Variants in CDC42BPG observed in about 807,000 individuals in gnomAD.
CDC42BPG encodes CDC42 binding protein kinase gamma.
A neutral mutation model predicts 192.2 loss-of-function variants in CDC42BPG; 157 were observed. The observed-to-expected ratio is 0.82, with a 90% confidence interval of 0.72 to 0.93. The LOEUF is 0.93. CDC42BPG is among the 40% of genes least tolerant of loss of function. The pLI, the probability that CDC42BPG is intolerant of heterozygous loss-of-function variation, is 0.00. For missense variants in CDC42BPG, 1,992 were observed against 2,122.1 expected (o/e 0.94, Z 1.20); for synonymous variants, 981 against 918.5 (o/e 1.07, Z -1.23).
rs531428384 is a variant in CDC42BPG, at chr11:64,824,353, C to T, written c.*120G>A. 3.9e-5 allele frequency: 32 copies of T among 810,216 alleles called. 1 individual carries two copies. Among genetic ancestry groups the T allele is most frequent in the African/African-American group, 1.2e-4 (7 of 59,736 alleles). 50.2% of individuals were successfully genotyped at this position (810,216 alleles called of 1,614,324 possible). ...CAAGTCTCCCAGTCATTGCCCAGCC[C>T]GGGTCCTCCCTGAGTCCGAATTTCC... On this transcript the variant is annotated 3_prime_UTR_variant, in exon 37 of 37. Transcript: ENST00000342711.
Position 64,827,397 on chromosome 11 carries a change from C to T in CDC42BPG, c.4152G>A (p.Glu1384=). Residue 1384 remains glutamate, a splice_region_variant and synonymous_variant, in exon 33 of 37, where the codon GAG becomes GAA. Coordinates refer to ENST00000342711, the MANE Select transcript of CDC42BPG (RefSeq NM_017525.3). ...GGTCCGGGATGTCGAACTCGTCCTT[C>T]TCTGTGGGAGAAGTGGAGAGCTGGG... is the stretch of plus-strand genomic sequence containing the variant. The part of the protein sequence containing the change: ...RLTYLRNQLA[E]KDEFDIPDLT... 6.2e-7 allele frequency: 1 copy of T among 1,613,212 alleles called. No homozygotes were observed. The highest frequency in any genetic ancestry group is 8.5e-7 in the Non-Finnish European group (1 of 1,179,170).
At position 64,841,745 on chromosome 11, in the gene CDC42BPG, G is replaced by A. The variant is rs765560534; in HGVS notation, c.253-12C>T. On this transcript the variant is annotated splice_polypyrimidine_tract_variant and intron_variant, in intron 2 of 36. Transcript: ENST00000342711. Reference sequence around the variant, plus strand: ...CTCACCACGGTGACCTAAGGCCACAGGGAGGACCGGGGTGAGCCCAGCCCG... The same window carrying A: ...CTCACCACGGTGACCTAAGGCCACAAGGAGGACCGGGGTGAGCCCAGCCCG... 16 of 1,613,790 alleles carry A rather than the reference G, an allele frequency of 9.9e-6. No homozygotes were observed. Among genetic ancestry groups the A allele is most frequent in the Admixed American group, 5.0e-5 (3 of 60,004 alleles).
Position 64,829,471 on chromosome 11 carries a change from C to G in CDC42BPG, c.3967G>C (p.Gly1323Arg). ...CTGCCAAGCCCTCAGCAGGCCTTAC[C>G]CCAGCCCATGGGCGCTGCTGGCCAC... ...LLWPAAPMGWGYAAPYLTVFS... is the reference protein window; with the variant it reads ...LLWPAAPMGWRYAAPYLTVFS... Residue 1323 changes from glycine to arginine, a missense_variant and splice_region_variant, in exon 30 of 37, where the codon GGG becomes CGG. By Grantham distance (125) the Gly-to-Arg change is moderately radical (BLOSUM62 -2). Coordinates refer to ENST00000342711, the MANE Select transcript of CDC42BPG (RefSeq NM_017525.3). 2.5e-6 allele frequency: 4 copies of G among 1,612,510 alleles called. No individual in the cohort carries two copies. Among genetic ancestry groups the G allele is most frequent in the Non-Finnish European group, 3.4e-6 (4 of 1,179,792 alleles).
Position 64,836,529 on chromosome 11 carries a change from C to T in CDC42BPG, c.1386G>A (p.Glu462=), listed in dbSNP as rs1241659676. ...EVQTLRDRLP[E]MLRDKASLSQ... The stretch of plus-strand genomic sequence containing the variant: ...ACAATGAGGCCTTGTCCCTCAGCAT[C>T]TCTGCCAGGAAGAGTCACTGAGACC... Residue 462 remains glutamate, a splice_region_variant and synonymous_variant, in exon 12 of 37, where the codon GAG becomes GAA. Transcript: ENST00000342711. 1.2e-6 allele frequency: 2 copies of T among 1,612,934 alleles called. No individual in the cohort carries two copies. Among genetic ancestry groups the T allele is most frequent in the Admixed American group, 1.7e-5 (1 of 59,990 alleles).
rs1051811949 is a variant in CDC42BPG, at chr11:64,826,015, C to T, written c.4599+455G>A. Among the ~76,000 whole-genome samples the T allele has an allele frequency of 6.3e-5, 9 of 142,850 alleles. No individual in the cohort carries two copies. The Middle Eastern group carries it at 0.016, about 254-fold the overall frequency. The allele number at this position is 142,850 out of a possible 152,430, so 93.7% of individuals were successfully genotyped here. On this transcript the variant is annotated intron_variant, in intron 36 of 36. Transcript: ENST00000342711. The stretch of plus-strand genomic sequence containing the variant: ...TGTGGGAGGTGGGGGTTGCACTGAC[C>T]GAGATTGTGCCACTGCACTCCAGTC...
rs368757188 is a variant in CDC42BPG at position 64,833,790 on chromosome 11, T to C, written c.2513A>G (p.His838Arg). 5.7e-5 allele frequency: 92 copies of C among 1,614,222 alleles called. No individual in the cohort carries two copies. The African/African-American group carries it at 1.1e-3, about 19-fold the overall frequency. The change falls in exon 22 of 37, where the codon CAT becomes CGT. Residue 838 changes from histidine (H) to arginine (R), a missense_variant. Physicochemically the swap from His to Arg is conservative, Grantham distance 29 (BLOSUM62 0). Coordinates refer to ENST00000342711, the MANE Select transcript of CDC42BPG (RefSeq NM_017525.3). The part of the protein sequence containing the change: ...DPGISGEATR[H>R]GGEPDLRPEG... ...CGGCCTCAGATCTGGCTCTCCTCCA[T>C]GCCTTGTGGCCTCTCCTGAGATGCC...
chr11:64,832,541 C>A, intron 26 of CDC42BPG, 32 bp from the exon 27 acceptor site: 1 of 1,613,898 alleles, frequency 6.2e-7, no homozygotes, highest in Non-Finnish European at 8.5e-7. Context: ...TCAGAAATCT[C>A]CCTGTCCCTG....
rs760450172 is a variant in CDC42BPG at position 64,836,723 on chromosome 11, T to C, written c.1384+16A>G. 1.3e-5 allele frequency: 5 copies of C among 379,706 alleles called. No homozygotes were observed. Among genetic ancestry groups the C allele is most frequent in the South Asian group, 2.7e-5 (1 of 36,966 alleles). 23.5% of individuals were successfully genotyped at this position (379,706 alleles called of 1,614,324 possible). ...CTCAGCCCTGGGGGGGGGGGGGGGG[T>C]GGGCGGAAGGGATACCTGGCAGCCT... On this transcript the variant is annotated intron_variant, in intron 11 of 36. Transcript: ENST00000342711.
At chr11:64,832,358 G>T (rs916321164) in intron 27 of CDC42BPG, 70 bp downstream of exon 27, 10 of 1,480,886 alleles carry the variant, frequency 6.8e-6, no homozygotes, top group African/African-American at 1.4e-5. Flanking sequence ...GAAGTGGGGG[G>T]ACAGTGGCCA....
Position 64,827,735 on chromosome 11 carries a change from A to G in CDC42BPG, c.4016T>C (p.Val1339Ala). The change falls in exon 31 of 37, where the codon GTG becomes GCG. Residue 1339 changes from valine to alanine, a missense_variant. By Grantham distance (64) the Val-to-Ala change is moderately conservative. Transcript: ENST00000342711. ...LTVFSENSID[V>A]FDVRRAEWVQ... Reference sequence around the variant, plus strand: ...CCATTCTGCCCTCCTCACGTCAAACACATCGATGGAGTTCTCGCTGAACAC... The same window carrying G: ...CCATTCTGCCCTCCTCACGTCAAACGCATCGATGGAGTTCTCGCTGAACAC... 6.2e-7 allele frequency: 1 copy of G among 1,613,122 alleles called. No individual in the cohort carries two copies. The highest frequency in any genetic ancestry group is 1.1e-5 in the South Asian group (1 of 90,930).
chr11:64,830,750 T>G (rs1443816872), intron 28 of CDC42BPG, among the ~76,000 whole-genome samples: 4 of 152,170 alleles, frequency 2.6e-5, no homozygotes, highest in Non-Finnish European at 5.9e-5. Flanking sequence ...TTTCCCAGCC[T>G]TAGTTACAGA....
rs750601197 is a variant in CDC42BPG at position 64,839,113 on chromosome 11, C to T, written c.796G>A (p.Ala266Thr). The change falls in exon 7 of 37, where the codon GCC becomes ACC. Residue 266 changes from alanine to threonine, a missense_variant. Ala to Thr is a moderately conservative substitution (Grantham distance 58, BLOSUM62 0). This residue lies in a region of CDC42BPG where 1,656 missense variants were observed against 1,844.3 expected (regional missense o/e 0.90). Coordinates refer to ENST00000342711, the MANE Select transcript of CDC42BPG (RefSeq NM_017525.3). Reference sequence around the variant, plus strand: ...GTCTCCCCAAAGAGCAGCTCATAGGCGCAGACTCCAAGCGACCACCAGTCA... The same window carrying T: ...GTCTCCCCAAAGAGCAGCTCATAGGTGCAGACTCCAAGCGACCACCAGTCA... Reference protein sequence around the residue: ...QCDWWSLGVCAYELLFGETPF... With the variant: ...QCDWWSLGVCTYELLFGETPF... 73 of 1,613,396 alleles carry T rather than the reference C, an allele frequency of 4.5e-5. No individual in the cohort carries two copies. The highest frequency in any genetic ancestry group is 6.0e-5 in the Non-Finnish European group (71 of 1,180,028).
chr11:64,841,376 T>C (rs571559403), intron 3 of CDC42BPG, among the ~76,000 whole-genome samples: 1 of 147,188 alleles, frequency 6.8e-6, no homozygotes, highest in East Asian at 2.0e-4. Flanking sequence ...TTACTTGAAC[T>C]GGGAGGCGGA....
intron 7 of CDC42BPG, 52 bp downstream of exon 7, chr11:64,838,981 G>T: frequency 6.2e-7 from 1 of 1,611,748 alleles, no homozygotes. Context: ...CAACCACACA[G>T]ACTCAGGGGT....
chr11:64,844,344 C>A, intron 1 of CDC42BPG, 66 bp downstream of exon 1: 3 of 1,287,052 alleles, frequency 2.3e-6, no homozygotes, highest in Non-Finnish European at 2.0e-6. Context: ...GGAAAGTCTG[C>A]GGGTGCGGGG....
intron 20 of CDC42BPG, 28 bp downstream of exon 20, chr11:64,834,238 C>T: frequency 6.5e-7 from 1 of 1,543,430 alleles, no homozygotes; most frequent in Admixed American, 1.9e-5. Context: ...GAGCCTGGCT[C>T]CGGGGCAAGC....
intron 6 of CDC42BPG, 39 bp from the exon 7 acceptor site, chr11:64,839,272 G>A: frequency 6.2e-7 from 1 of 1,610,206 alleles, no homozygotes; most frequent in Non-Finnish European, 8.5e-7. Flanking sequence ...GACAGCTTTG[G>A]GCTTGGCTGG....
rs760450172 is a variant in CDC42BPG at position 64,836,723 on chromosome 11, T to A, written c.1384+16A>T. ...CTCAGCCCTGGGGGGGGGGGGGGGG[T>A]GGGCGGAAGGGATACCTGGCAGCCT... On this transcript the variant is annotated intron_variant, in intron 11 of 36. Transcript: ENST00000342711. 22 of 379,680 alleles carry A rather than the reference T, an allele frequency of 5.8e-5. No homozygotes were observed. Among genetic ancestry groups the A allele is most frequent in the South Asian group, 1.9e-4 (7 of 36,962 alleles). The allele number at this position is 379,680 out of a possible 1,614,324, so 23.5% of individuals were successfully genotyped here.
At chr11:64,834,650 C>T (rs1441130622) in intron 18 of CDC42BPG, 73 bp from the exon 19 acceptor site, 3 of 1,463,148 alleles carry the variant, frequency 2.1e-6, no homozygotes, top group Non-Finnish European at 2.7e-6. Context: ...GCTACCAGAG[C>T]ATCCTGCTAC....
Sources: gnomAD v4.1 joint callset for allele counts (sites outside exome capture counted in the v4.1 genomes callset) on GRCh38, gnomAD v4.1.1 for gene constraint, gnomAD v4.1.1 regional missense constraint, MANE v1.5 for transcripts, NCBI Gene and HGNC (gene_info 2026-07-23, HGNC 2026-07-21) for gene names.